Variants in PLCH1 observed in about 807,000 individuals in gnomAD.
PLCH1 encodes phospholipase C eta 1.
PLCH1 carries 60 observed loss-of-function variants against 126.7 expected under a neutral mutation model. The observed-to-expected ratio is 0.47, with a 90% CI of 0.38 to 0.59. The LOEUF is 0.59. PLCH1 is among the 20% of genes least tolerant of loss of function. The pLI is 0.00. For synonymous variants in PLCH1, 719 were observed against 734.9 expected (o/e 0.98, Z 0.35); for missense variants, 1,723 against 2,040.0 (o/e 0.84, Z 2.99).
chr3:155,744,655 G>T (rs1269153260), intron 1 of PLCH1, among the ~76,000 whole-genome samples, 185 bp downstream of exon 1: 4 of 152,140 alleles, frequency 2.6e-5, no homozygotes, highest in Non-Finnish European at 5.9e-5. Flanking sequence ...CCAGTTCCCC[G>T]CACGGGGCCT....
intron 2 of PLCH1, among the ~76,000 whole-genome samples, chr3:155,703,819 A>G (rs1746452801): frequency 6.6e-6 from 1 of 152,214 alleles, no homozygotes; most frequent in Non-Finnish European, 1.5e-5. Context: ...GAACAATTAT[A>G]TGGCCCTCAC....
In PLCH1 at chr3:155,537,202, C is replaced by CAAAAAAA. The variant is rs535908017; in HGVS notation, c.1362+12578_1362+12584dup. On this transcript the variant is annotated intron_variant, in intron 10 of 22. Transcript: ENST00000460012. ...CTAGCACTACAAAAAAAAAAAAAAC[C>CAAAAAAA]AAAAAAAAAAAAAAAAAAAAAAAAA... 6.5e-3 allele frequency among the ~76,000 whole-genome samples: 67 copies of CAAAAAAA among 10,338 alleles called. 4 individuals are homozygous for CAAAAAAA. The highest frequency in any genetic ancestry group is 8.4e-3 in the African/African-American group (39 of 4,664). 6.8% of individuals were successfully genotyped at this position (10,338 alleles called of 152,430 possible).
Position 155,482,179 on chromosome 3 carries a change from G to A in PLCH1, c.3847C>T (p.Leu1283Phe). The change falls in exon 23 of 23, where the codon CTT becomes TTT. Residue 1283 changes from leucine to phenylalanine, a missense_variant. Transcript: ENST00000460012. ...PISKTKPDDDLSSKAKTAALE... is the reference protein window; with the variant it reads ...PISKTKPDDDFSSKAKTAALE... The stretch of plus-strand genomic sequence containing the variant: ...GCCGCTGTCTTGGCCTTACTAGAAA[G>A]GTCATCATCTGGTTTGGTTTTAGAG... 6.2e-7 allele frequency: 1 copy of A among 1,614,214 alleles called. No homozygotes were observed. Among genetic ancestry groups the A allele is most frequent in the South Asian group, 1.1e-5 (1 of 91,086 alleles).
chr3:155,662,303 AT>A (rs1236744964), intron 2 of PLCH1, among the ~76,000 whole-genome samples: 1 of 152,084 alleles, frequency 6.6e-6, no homozygotes, highest in Admixed American at 6.6e-5. Flanking sequence ...CACAAAAAAA[AT>A]ATTTAATTAA....
chr3:155,455,629 G>A (rs549752885), intron 21 of PLCH1, among the ~76,000 whole-genome samples: 1 of 152,306 alleles, frequency 6.6e-6, no homozygotes, highest in Admixed American at 6.5e-5. Flanking sequence ...TGAATTTAGG[G>A]TAGGGTCAAC....
intron 10 of PLCH1, among the ~76,000 whole-genome samples, chr3:155,538,149 G>C (rs1403487721): frequency 6.6e-6 from 1 of 152,052 alleles, no homozygotes; most frequent in Non-Finnish European, 1.5e-5. Flanking sequence ...CTGAATAATT[G>C]TTGCGTCAAC....
At position 155,586,175 on chromosome 3, in the gene PLCH1, C is replaced by G. The variant is rs755251155; in HGVS notation, c.490G>C (p.Glu164Gln). Residue 164 changes from glutamate to glutamine, a missense_variant, in exon 5 of 23, where the codon GAG (glutamate) becomes CAG (glutamine). By Grantham distance (29) the Glu-to-Gln change is conservative. Around this residue, in one of 2 missense-constraint regions of PLCH1, gnomAD observed 776 missense variants for 1,062.9 expected, o/e 0.73. Coordinates refer to ENST00000460012, the MANE Select transcript of PLCH1 (RefSeq NM_014996.4). ...THDQWVKQTF[E>Q]EADKNGDGLL... is the part of the protein sequence containing the mutation. ...CCGTCACCATTCTTATCAGCTTCCT[C>G]AAAGGTCTGCTTCACCCATGTGCAG... 2 of 1,614,118 alleles carry G rather than the reference C, an allele frequency of 1.2e-6. No individual in the cohort carries two copies. The highest frequency in any genetic ancestry group is 2.2e-5 in the South Asian group (2 of 91,076).
chr3:155,722,164 C>CT (rs549327326), intron 1 of PLCH1, among the ~76,000 whole-genome samples: 47 of 149,302 alleles, frequency 3.1e-4, no homozygotes, highest in East Asian at 7.9e-4. Context: ...TCGTAGATGT[C>CT]TTTTTTTTTT....
At chr3:155,473,718 CA>C (rs2107985661) in intron 21 of PLCH1, among the ~76,000 whole-genome samples, 1 of 151,586 alleles carries the variant, frequency 6.6e-6, no homozygotes, top group East Asian at 1.9e-4. Context: ...GTACTGGTAC[CA>C]AAACAGAGAT....
intron 19 of PLCH1, among the ~76,000 whole-genome samples, chr3:155,489,613 C>T (rs938608789): frequency 6.6e-6 from 1 of 152,094 alleles, no homozygotes; most frequent in African/African-American, 2.4e-5. Flanking sequence ...GACCTTACTG[C>T]ATGAATGATG....
chr3:155,493,012 A>G (rs1716482479), intron 17 of PLCH1, among the ~76,000 whole-genome samples, 159 bp from the exon 18 acceptor site: 1 of 152,266 alleles, frequency 6.6e-6, no homozygotes, highest in Non-Finnish European at 1.5e-5. Context: ...ATTAGAAACC[A>G]TGTTGCCAAA....
At chr3:155,675,814 G>GA (rs1744029758) in intron 2 of PLCH1, among the ~76,000 whole-genome samples, 2 of 151,778 alleles carry the variant, frequency 1.3e-5, no homozygotes, top group Admixed American at 1.3e-4. Context: ...ACATTTATAC[G>GA]AAAAAAACAC....
At chr3:155,466,095 G>A (rs558046545) in intron 21 of PLCH1, among the ~76,000 whole-genome samples, 11 of 152,326 alleles carry the variant, frequency 7.2e-5, no homozygotes, top group African/African-American at 2.6e-4. Flanking sequence ...GGCATGGTTG[G>A]CTTTGCCACT....
At chr3:155,510,958 C>G (rs1391955559) in intron 12 of PLCH1, among the ~76,000 whole-genome samples, 3 of 122,010 alleles carry the variant, frequency 2.5e-5, no homozygotes, top group Non-Finnish European at 4.9e-5. Context: ...TGTTTTCCAA[C>G]TTGGTTCCAT....
At chr3:155,563,878 C>A (rs1033715778) in intron 8 of PLCH1, among the ~76,000 whole-genome samples, 5 of 152,128 alleles carry the variant, frequency 3.3e-5, no homozygotes, top group Admixed American at 1.3e-4. Flanking sequence ...TATACCACCA[C>A]TTCTATACCA....
At chr3:155,649,040 A>G (rs1740380426) in intron 2 of PLCH1, among the ~76,000 whole-genome samples, 1 of 152,170 alleles carries the variant, frequency 6.6e-6, no homozygotes, top group African/African-American at 2.4e-5. Flanking sequence ...CAAGGAGGTA[A>G]CCTGATGAGG....
intron 1 of PLCH1, among the ~76,000 whole-genome samples, chr3:155,729,440 T>C (rs1009603758): frequency 6.6e-6 from 1 of 152,134 alleles, no homozygotes; most frequent in Non-Finnish European, 1.5e-5. Flanking sequence ...GAGTGGGATG[T>C]TGCAGCCAGA....
At position 155,564,359 on chromosome 3, in the gene PLCH1, C is replaced by T. The variant is rs532739639; in HGVS notation, c.1069+556G>A. Among the ~76,000 whole-genome samples the T allele has an allele frequency of 2.0e-5, 3 of 152,122 alleles. No individual in the cohort carries two copies. The East Asian group carries it at 5.8e-4, about 30-fold the overall frequency. On this transcript the variant is annotated intron_variant, in intron 8 of 22. Transcript: ENST00000460012. ...GTGGGTGGATCATGAGGTCAGAGAT[C>T]GAGGCCATCCTGGCCAACATGGTGA...
In PLCH1 at chr3:155,514,708, G is replaced by A; in HGVS notation, c.1632+15C>T. On this transcript the variant is annotated intron_variant, in intron 12 of 22. Coordinates refer to ENST00000460012, the MANE Select transcript of PLCH1 (RefSeq NM_014996.4). ...TTTTCCTGTTGAAGGATAAGTACAA[G>A]AGGGAATCAGATACCTGCTTCAGGT... is the stretch of plus-strand genomic sequence containing the variant. 3 of 1,500,772 alleles carry A rather than the reference G, an allele frequency of 2.0e-6. No homozygotes were observed. The highest frequency in any genetic ancestry group is 2.7e-6 in the Non-Finnish European group (3 of 1,113,116). 93.0% of individuals were successfully genotyped at this position (1,500,772 alleles called of 1,614,324 possible).
Sources: gnomAD v4.1 joint callset for allele counts (sites outside exome capture counted in the v4.1 genomes callset) on GRCh38, gnomAD v4.1.1 for gene constraint, gnomAD v4.1.1 regional missense constraint, MANE v1.5 for transcripts, NCBI Gene and HGNC (gene_info 2026-07-23, HGNC 2026-07-21) for gene names.